Variants in GPATCH2 observed in about 807,000 individuals in gnomAD.
GPATCH2 encodes G patch domain-containing protein 2.
In GPATCH2, 51 loss-of-function variants were observed where a neutral mutation model predicts 58.0. The observed-to-expected ratio is 0.88, with a 90% CI of 0.70 to 1.11. GPATCH2 has a LOEUF of 1.11. Among genes scored for constraint, GPATCH2 ranks in the 50% most tolerant of loss-of-function variants. The probability of loss-of-function intolerance (pLI) is 0.00; values close to 1 mark genes in which losing one functional copy is unlikely to be tolerated. For synonymous variants in GPATCH2, 222 were observed against 218.5 expected, an observed-to-expected ratio of 1.02 and a Z score of -0.14; for missense variants, 625 against 652.2, an observed-to-expected ratio of 0.96 and a Z score of 0.45.
intron 2 of GPATCH2, among the ~76,000 whole-genome samples, chr1:217,616,420 G>A (rs1042831167): frequency 2.6e-5 from 4 of 152,032 alleles, no homozygotes; most frequent in African/African-American, 9.7e-5. Flanking sequence ...CCAGTGGTAT[G>A]CCTATCTCCA....
intron 5 of GPATCH2, among the ~76,000 whole-genome samples, chr1:217,545,687 CA>C (rs2102654227): frequency 6.6e-6 from 1 of 152,142 alleles, no homozygotes; most frequent in Admixed American, 6.5e-5. Flanking sequence ...GCTCCAAGCA[CA>C]AGTGGTCAAA....
chr1:217,609,406 G>C, intron 5 of GPATCH2: 1 of 983,452 alleles, frequency 1.0e-6, no homozygotes, highest in Non-Finnish European at 1.2e-6. Context: ...ATTTTGATGT[G>C]TTTCAGGTAT....
At chr1:217,444,377 G>C (rs1356440075) in intron 9 of GPATCH2, among the ~76,000 whole-genome samples, 5 of 152,156 alleles carry the variant, frequency 3.3e-5, no homozygotes, top group African/African-American at 1.2e-4. Flanking sequence ...GGGCTGCTCA[G>C]GGCCATTTTG....
At chr1:217,518,139 A>C (rs1434570004) in intron 5 of GPATCH2, among the ~76,000 whole-genome samples, 4 of 152,168 alleles carry the variant, frequency 2.6e-5, no homozygotes, top group Non-Finnish European at 4.4e-5. Flanking sequence ...AAGTAAACTG[A>C]AAGTTAGAAA....
chr1:217,470,412 GTTTTGT>G (rs1413459259), intron 8 of GPATCH2, among the ~76,000 whole-genome samples: 1 of 152,094 alleles, frequency 6.6e-6, no homozygotes, highest in Non-Finnish European at 1.5e-5. Flanking sequence ...TAGTAGTAGT[GTTTTGT>G]TTTTGTTTTA....
At chr1:217,535,137 ACAGG>A (rs1301364309) in intron 5 of GPATCH2, among the ~76,000 whole-genome samples, 1 of 152,172 alleles carries the variant, frequency 6.6e-6, no homozygotes, top group Non-Finnish European at 1.5e-5. Context: ...TGCTTTACCA[ACAGG>A]CTTGACATTT....
At chr1:217,592,472 A>G (rs1468941029) in intron 5 of GPATCH2, among the ~76,000 whole-genome samples, 1 of 151,952 alleles carries the variant, frequency 6.6e-6, no homozygotes, top group Non-Finnish European at 1.5e-5. Context: ...TGACTTCACT[A>G]TGGAATCAGT....
At chr1:217,585,910 T>C (rs1667318256) in intron 5 of GPATCH2, among the ~76,000 whole-genome samples, 1 of 152,192 alleles carries the variant, frequency 6.6e-6, no homozygotes, top group African/African-American at 2.4e-5. Context: ...CTACAGCATG[T>C]TACTGTATTG....
At chr1:217,434,273 T>C (rs1432452818) in intron 9 of GPATCH2, among the ~76,000 whole-genome samples, 1 of 152,240 alleles carries the variant, frequency 6.6e-6, no homozygotes, top group African/African-American at 2.4e-5. Context: ...TGTGAATGTG[T>C]GTTGTGTGTG....
intron 7 of GPATCH2, among the ~76,000 whole-genome samples, chr1:217,493,980 T>C (rs1176542216): frequency 1.3e-5 from 2 of 152,056 alleles, no homozygotes; most frequent in Admixed American, 1.3e-4. Context: ...AAAAAATTTA[T>C]AGTTTAGTTT....
At chr1:217,506,942 G>A (rs1257151456) in intron 6 of GPATCH2, among the ~76,000 whole-genome samples, 1 of 152,076 alleles carries the variant, frequency 6.6e-6, no homozygotes, top group Non-Finnish European at 1.5e-5. Flanking sequence ...TTCTTCTTTA[G>A]AGTACTTAGC....
intron 8 of GPATCH2, among the ~76,000 whole-genome samples, chr1:217,466,675 G>C (rs1199618714): frequency 6.6e-6 from 1 of 152,102 alleles, no homozygotes; most frequent in East Asian, 1.9e-4. Context: ...GCCTCAAAAA[G>C]GAAGGGAGAG....
intron 5 of GPATCH2, among the ~76,000 whole-genome samples, chr1:217,559,779 T>G (rs1399219333): frequency 6.7e-6 from 1 of 149,644 alleles, no homozygotes; most frequent in Non-Finnish European, 1.5e-5. Context: ...CCACAACAAG[T>G]GAGAGCCCAA....
chr1:217,610,818 T>A (rs1394402172), intron 4 of GPATCH2, 71 bp downstream of exon 4: 1 of 1,056,466 alleles, frequency 9.5e-7, no homozygotes, highest in Non-Finnish European at 1.4e-6. Context: ...CTTTATCTTA[T>A]CCTCCTTGAA....
At chr1:217,444,015 A>T (rs2102543515) in intron 9 of GPATCH2, among the ~76,000 whole-genome samples, 1 of 152,236 alleles carries the variant, frequency 6.6e-6, no homozygotes, top group South Asian at 2.1e-4. Flanking sequence ...CCTGGGTTGA[A>T]GGCCTGCACC....
chr1:217,526,954 T>G (rs977519728), intron 5 of GPATCH2, among the ~76,000 whole-genome samples: 1 of 152,358 alleles, frequency 6.6e-6, no homozygotes, highest in South Asian at 2.1e-4. Flanking sequence ...TAATGCCTGA[T>G]GATCTGTCAC....
intron 6 of GPATCH2, among the ~76,000 whole-genome samples, chr1:217,514,132 G>T (rs148530720): frequency 7.1e-6 from 1 of 141,110 alleles, no homozygotes; most frequent in African/African-American, 2.7e-5. Context: ...TGGCCCCCCC[G>T]CAAAAAAAGC....
chr1:217,478,629 G>A (rs1208735996), intron 8 of GPATCH2, among the ~76,000 whole-genome samples: 1 of 152,070 alleles, frequency 6.6e-6, no homozygotes, highest in Non-Finnish European at 1.5e-5. Flanking sequence ...CACACCTACA[G>A]GACCTAGCCT....
chr1:217,584,217 G>A (rs1251223624), intron 5 of GPATCH2, among the ~76,000 whole-genome samples: 1 of 151,222 alleles, frequency 6.6e-6, no homozygotes, highest in East Asian at 1.9e-4. Flanking sequence ...AATGTTCGAG[G>A]CCTCCCGCGG....
Sources: allele counts gnomAD v4.1 joint callset (sites outside exome capture counted in the v4.1 genomes callset), GRCh38; gene constraint gnomAD v4.1.1; transcripts MANE v1.5; gene names NCBI Gene and HGNC (gene_info 2026-07-23, HGNC 2026-07-21).